Variants in SMIM24 observed in about 807,000 individuals in gnomAD.
The protein encoded by SMIM24 is MAP17-related dimer.
In SMIM24, 6 loss-of-function variants were observed where a neutral mutation model predicts 10.8. The observed-to-expected ratio is 0.55, with a 90% CI of 0.30 to 1.09. SMIM24 has a LOEUF of 1.09. Among genes scored for constraint, SMIM24 ranks in the 50% least tolerant of loss-of-function variants. The pLI, the probability that SMIM24 is intolerant of heterozygous loss-of-function variation, is 0.06. For synonymous variants in SMIM24, 71 were observed against 62.4 expected, an observed-to-expected ratio of 1.14 and a Z score of -0.65; for missense variants, 151 against 153.4, an observed-to-expected ratio of 0.98 and a Z score of 0.08.
chr19:3,478,740 TG>T, intron 2 of SMIM24, 77 bp downstream of exon 2: 1 of 817,192 alleles, frequency 1.2e-6, no homozygotes, highest in Non-Finnish European at 1.6e-6. Flanking sequence ...AGGCTGGTGA[TG>T]GGGGTACCAG....
rs983389663 is a variant in SMIM24, at chr19:3,474,558, A to G, written c.*285T>C. The G allele has an allele frequency of 7.1e-6, 3 of 424,042 alleles. No homozygotes were observed. The highest frequency in any genetic ancestry group is 1.3e-5 in the Non-Finnish European group (3 of 237,760). 26.3% of individuals were successfully genotyped at this position (424,042 alleles called of 1,614,324 possible). A position where few individuals can be genotyped will look rare whatever the true frequency, so the allele number is the denominator to read the frequency against. ...GGGGAGAAGCAGGTGGAGCCATGAG[A>G]TCGTGGAGGATTGCGGGTGTCTCCT... On this transcript the variant is annotated 3_prime_UTR_variant, in exon 4 of 4. Coordinates refer to ENST00000215531, the MANE Select transcript of SMIM24 (RefSeq NM_001136503.2).
chr19:3,478,587 G>T, intron 2 of SMIM24, 109 bp from the exon 3 acceptor site: 2 of 1,118,912 alleles, frequency 1.8e-6, no homozygotes, highest in Non-Finnish European at 1.3e-6. Context: ...TCCCAGCCGG[G>T]GCTCATGAAC....
At position 3,474,509 on chromosome 19, in the gene SMIM24, CAGAG is replaced by C. The variant is rs1430305069; in HGVS notation, c.*330_*333del. The C allele has an allele frequency of 9.6e-6, 3 of 312,636 alleles. No homozygotes were observed. The highest frequency in any genetic ancestry group is 1.8e-5 in the Non-Finnish European group (3 of 169,060). 19.4% of individuals were successfully genotyped at this position (312,636 alleles called of 1,614,324 possible). On this transcript the variant is annotated 3_prime_UTR_variant, in exon 4 of 4. Coordinates refer to ENST00000215531, the MANE Select transcript of SMIM24 (RefSeq NM_001136503.2). ...GAAGTTCTGTTCAGTAGACATCAGGCAGAGAGAAAAGAAATCAGGCAGTGGGGAG... is the reference window on the plus strand; with the variant it reads ...GAAGTTCTGTTCAGTAGACATCAGGCAGAAAAGAAATCAGGCAGTGGGGAG...
intron 3 of SMIM24, among the ~76,000 whole-genome samples, chr19:3,477,191 TGATG>T (rs1247527098): frequency 3.0e-5 from 3 of 99,004 alleles, no homozygotes; most frequent in African/African-American, 1.2e-4. Flanking sequence ...TGGGGGTGGG[TGATG>T]GATGGATGAG....
intron 1 of SMIM24, among the ~76,000 whole-genome samples, chr19:3,479,244 G>A (rs970712005): frequency 6.6e-6 from 1 of 150,950 alleles, no homozygotes; most frequent in African/African-American, 2.4e-5. Flanking sequence ...TATAATGCAG[G>A]CAGAGGCTCA....
intron 1 of SMIM24, 82 bp from the exon 2 acceptor site, chr19:3,479,011 GAGA>G (rs1162032105): frequency 1.5e-5 from 17 of 1,152,760 alleles, no homozygotes; most frequent in East Asian, 5.2e-5. Flanking sequence ...CAAGGAGAGA[GAGA>G]AGGTCACTGG....
At chr19:3,479,681 G>A (rs1002445803) in intron 1 of SMIM24, among the ~76,000 whole-genome samples, 2 of 141,366 alleles carry the variant, frequency 1.4e-5, no homozygotes, top group Non-Finnish European at 3.1e-5. Context: ...TTACAGAGGA[G>A]GAAGAGGCTC....
At chr19:3,478,571 C>T in intron 2 of SMIM24, 93 bp from the exon 3 acceptor site, 1 of 1,209,730 alleles carries the variant, frequency 8.3e-7, no homozygotes, top group Non-Finnish European at 1.1e-6. Context: ...AGCCTCTGTC[C>T]CAACCTCCCA....
At position 3,474,433 on chromosome 19, in the gene SMIM24, G is replaced by GC; in HGVS notation, c.*409dup. ...AAAGGGCTGTTACGAATGCTTTAAT[G>GC]CAGGCCATTGGGAAGCAGCTCTCAG... On this transcript the variant is annotated 3_prime_UTR_variant, in exon 4 of 4. Transcript: ENST00000215531. The GC allele has an allele frequency of 5.6e-6, 1 of 177,068 alleles. No homozygotes were observed. The highest frequency in any genetic ancestry group is 1.2e-5 in the Non-Finnish European group (1 of 82,828). 11.0% of individuals were successfully genotyped at this position (177,068 alleles called of 1,614,324 possible).
Position 3,480,457 on chromosome 19 carries a change from T to A in SMIM24, c.7A>T (p.Thr3Ser). ...TCCAGCACCAGAAGGGCCCCCAGGGTCTCCATGACGGTCGAGTGAGCCAGC... is the reference window on the plus strand; with the variant it reads ...TCCAGCACCAGAAGGGCCCCCAGGGACTCCATGACGGTCGAGTGAGCCAGC... ME[T>S]LGALLVLEFL... The change falls in exon 1 of 4, where the codon ACC (threonine) becomes TCC (serine). Residue 3 changes from threonine to serine, a missense_variant. Transcript: ENST00000215531. 1 of 1,526,744 alleles carries A rather than the reference T, an allele frequency of 6.5e-7. No homozygotes were observed. The highest frequency in any genetic ancestry group is 8.8e-7 in the Non-Finnish European group (1 of 1,136,516). The allele number at this position is 1,526,744 out of a possible 1,614,324, so 94.6% of individuals were successfully genotyped here.
At chr19:3,479,630 C>G (rs1193936417) in intron 1 of SMIM24, among the ~76,000 whole-genome samples, 1 of 128,620 alleles carries the variant, frequency 7.8e-6, no homozygotes, top group African/African-American at 3.1e-5. Context: ...AGACGAGGGG[C>G]TCAGGGAGGG....
chr19:3,476,524 C>T (rs2122018397), intron 3 of SMIM24, among the ~76,000 whole-genome samples: 1 of 151,548 alleles, frequency 6.6e-6, no homozygotes, highest in South Asian at 2.1e-4. Context: ...GGTACAGGTG[C>T]ACAGGTGGGA....
At chr19:3,476,268 A>G (rs1180759917) in intron 3 of SMIM24, among the ~76,000 whole-genome samples, 2 of 151,752 alleles carry the variant, frequency 1.3e-5, no homozygotes, top group African/African-American at 4.8e-5. Flanking sequence ...GGATGGATCA[A>G]TGAGCTAATG....
In SMIM24 at chr19:3,474,921, T is replaced by C; in HGVS notation, c.315A>G (p.Glu105=). 1 of 1,551,748 alleles carries C rather than the reference T, an allele frequency of 6.4e-7. No homozygotes were observed. The change falls in exon 4 of 4, where the codon GAA becomes GAG. Residue 105 remains glutamate (E), a synonymous_variant. Transcript: ENST00000215531. ...KRKKEKKTAK[E]GESNLGLDLE... Reference sequence around the variant, plus strand: ...GATCCAGTCCCAAGTTGCTCTCTCCTTCCTTTGCTGTCTTTTTCTCCTTCT... The same window carrying C: ...GATCCAGTCCCAAGTTGCTCTCTCCCTCCTTTGCTGTCTTTTTCTCCTTCT...
At chr19:3,476,633 A>G (rs1468397855) in intron 3 of SMIM24, among the ~76,000 whole-genome samples, 2 of 152,140 alleles carry the variant, frequency 1.3e-5, no homozygotes, top group African/African-American at 4.8e-5. Context: ...TCCCTCAGGC[A>G]CATCTTGGAC....
chr19:3,479,090 G>A (rs1045131216), intron 1 of SMIM24, 161 bp from the exon 2 acceptor site: 3 of 589,562 alleles, frequency 5.1e-6, no homozygotes, highest in South Asian at 4.2e-5. Context: ...GCGTAGGGGG[G>A]TCGGGAGGGT....
intron 3 of SMIM24, among the ~76,000 whole-genome samples, chr19:3,477,117 T>TGGATGGAG (rs2082795603): frequency 7.8e-6 from 1 of 129,004 alleles, no homozygotes; most frequent in African/African-American, 3.0e-5. Flanking sequence ...GATGGATGGA[T>TGGATGGAG]GGATGGATCA....
intron 3 of SMIM24, among the ~76,000 whole-genome samples, chr19:3,476,881 T>G (rs1599750095): frequency 8.8e-5 from 7 of 79,376 alleles, no homozygotes; most frequent in East Asian, 4.3e-4. Flanking sequence ...GATGGATGGA[T>G]GGGTGGATGG....
chr19:3,477,912 C>T (rs2082800815), intron 3 of SMIM24, among the ~76,000 whole-genome samples: 1 of 151,954 alleles, frequency 6.6e-6, no homozygotes, highest in South Asian at 2.1e-4. Flanking sequence ...TCCCTGAGTC[C>T]TCTGTGGGAA....
Sources: allele counts gnomAD v4.1 joint callset (sites outside exome capture counted in the v4.1 genomes callset), GRCh38; gene constraint gnomAD v4.1.1; transcripts MANE v1.5; gene names NCBI Gene and HGNC (gene_info 2026-07-23, HGNC 2026-07-21).